Variants in ITGB5 observed in about 807,000 individuals in gnomAD.
ITGB5 encodes integrin subunit beta 5.
ITGB5 carries 38 observed loss-of-function variants against 84.8 expected under a neutral mutation model. The ratio of observed to expected loss-of-function variants is 0.45; its 90% CI spans 0.35 to 0.59. The LOEUF is 0.59. Ranked by LOEUF, ITGB5 falls within the 20% of genes least tolerant of loss-of-function variation. The pLI is 0.01. For synonymous variants in ITGB5, 393 were observed against 414.4 expected (o/e 0.95, Z 0.63); for missense variants, 905 against 1,034.5 (o/e 0.87, Z 1.72).
chr3:124,887,829 C>G (rs1048964974), upstream of ITGB5: 5 of 277,186 alleles, frequency 1.8e-5, no homozygotes, highest in African/African-American at 9.0e-5. Flanking sequence ...TAGACGCCCG[C>G]GCGTGGAACC....
At chr3:124,859,530 T>C (rs1374482133) in intron 2 of ITGB5, 84 bp from the exon 3 acceptor site, 1 of 1,018,786 alleles carries the variant, frequency 9.8e-7, no homozygotes, top group African/African-American at 1.6e-5. Context: ...CGTCTCCATC[T>C]GGTTGACCTT....
chr3:124,793,342 T>C (rs1034823554), intron 10 of ITGB5, among the ~76,000 whole-genome samples: 1 of 152,192 alleles, frequency 6.6e-6, no homozygotes, highest in Non-Finnish European at 1.5e-5. Flanking sequence ...TCTGTCACGT[T>C]TGCTAATATC....
At chr3:124,879,652 T>C (rs10804563) in intron 1 of ITGB5, among the ~76,000 whole-genome samples, 41,354 of 152,162 alleles carry the variant, frequency 0.27, 6,219 homozygotes, top group Middle Eastern at 0.41. Context: ...ATTCATATAA[T>C]GGAGTGCTAG....
intron 8 of ITGB5, among the ~76,000 whole-genome samples, chr3:124,814,580 G>A (rs1259588929): frequency 4.6e-5 from 7 of 151,564 alleles, no homozygotes; most frequent in African/African-American, 1.7e-4. Context: ...GGGCTCAGGC[G>A]ATCCTCCTGC....
intron 1 of ITGB5, among the ~76,000 whole-genome samples, chr3:124,875,917 C>T (rs983672310): frequency 5.3e-5 from 8 of 152,092 alleles, no homozygotes; most frequent in Non-Finnish European, 8.8e-5. Flanking sequence ...CATTATGTCA[C>T]TTATACGTGG....
In ITGB5 at chr3:124,763,722, C is replaced by T. The variant is rs2063726828; in HGVS notation, c.2305-4G>A. The T allele has an allele frequency of 5.8e-6, 9 of 1,560,176 alleles. No individual in the cohort carries two copies. The highest frequency in any genetic ancestry group is 2.2e-5 in the South Asian group (2 of 89,876). On this transcript the variant is annotated splice_polypyrimidine_tract_variant and splice_region_variant and intron_variant, in intron 14 of 14. Transcript: ENST00000296181. ...TTCTGTATAATGGATTTGAAGCCTA[C>T]AGAACACGGCGGGGAAGAGGATGAG...
upstream of ITGB5, among the ~76,000 whole-genome samples, chr3:124,890,129 C>T (rs553768594): frequency 1.2e-4 from 18 of 151,050 alleles, no homozygotes; most frequent in South Asian, 2.1e-4. Context: ...ATTAGATGGA[C>T]GGGGCGTGGA....
At chr3:124,820,002 AAGGAACTG>A (rs1311742895) in intron 6 of ITGB5, among the ~76,000 whole-genome samples, 168 bp from the exon 7 acceptor site, 1 of 152,116 alleles carries the variant, frequency 6.6e-6, no homozygotes, top group Non-Finnish European at 1.5e-5. Context: ...CTCCTGAACT[AAGGAACTG>A]AGTAGAGGAG....
chr3:124,782,678 T>G (rs907386627), intron 10 of ITGB5, among the ~76,000 whole-genome samples: 1 of 152,038 alleles, frequency 6.6e-6, no homozygotes, highest in African/African-American at 2.4e-5. Flanking sequence ...ACCAACATGG[T>G]GAAACCCTGT....
chr3:124,817,600 G>T, intron 8 of ITGB5, 21 bp downstream of exon 8: 1 of 1,341,886 alleles, frequency 7.5e-7, no homozygotes, highest in Non-Finnish European at 1.0e-6. Flanking sequence ...GTGGCAGTGG[G>T]GGAAGAAACT....
At position 124,842,938 on chromosome 3, in the gene ITGB5, C is replaced by A. The variant is rs75933298; in HGVS notation, c.612-1387G>T. On this transcript the variant is annotated intron_variant, in intron 4 of 14. Coordinates refer to ENST00000296181, the MANE Select transcript of ITGB5 (RefSeq NM_002213.5). ...CAACAGCACAGCACAGAGTCCCCAG[C>A]AACAGGCCCACCCTGCACAGAATCA... Among the ~76,000 whole-genome samples the A allele has an allele frequency of 1.3e-3, 200 of 152,274 alleles. 2 individuals carry two copies. The East Asian group carries it at 0.026, about 20-fold the overall frequency.
chr3:124,804,791 T>C (rs945858593), intron 9 of ITGB5, among the ~76,000 whole-genome samples: 1 of 151,916 alleles, frequency 6.6e-6, no homozygotes, highest in African/African-American at 2.4e-5. Context: ...CTCAGCCTCC[T>C]GAGTAGCTGG....
intron 1 of ITGB5, among the ~76,000 whole-genome samples, chr3:124,884,584 C>A (rs1271862139): frequency 6.6e-6 from 1 of 151,426 alleles, no homozygotes; most frequent in African/African-American, 2.4e-5. Flanking sequence ...CCTGTAATCC[C>A]AGTTACTCAG....
intron 14 of ITGB5, 137 bp from the exon 15 acceptor site, chr3:124,763,855 C>T (rs930463712): frequency 9.0e-5 from 54 of 597,004 alleles, no homozygotes; most frequent in African/African-American, 1.9e-4. Flanking sequence ...AGGAGACGGC[C>T]GTGGGCTCTA....
At chr3:124,808,167 C>T (rs2064440012) in intron 9 of ITGB5, among the ~76,000 whole-genome samples, 1 of 152,096 alleles carries the variant, frequency 6.6e-6, no homozygotes, top group Admixed American at 6.5e-5. Flanking sequence ...CCTTGGCCGT[C>T]ATGAGTGCTA....
intron 1 of ITGB5, among the ~76,000 whole-genome samples, chr3:124,883,583 G>A (rs1934675173): frequency 1.3e-5 from 2 of 152,230 alleles, no homozygotes; most frequent in Non-Finnish European, 2.9e-5. Context: ...CACAGGAAAT[G>A]TGGTAGGGGG....
At chr3:124,816,401 G>A (rs369766131) in intron 8 of ITGB5, among the ~76,000 whole-genome samples, 2 of 152,228 alleles carry the variant, frequency 1.3e-5, no homozygotes, top group African/African-American at 4.8e-5. Flanking sequence ...GTACTGATTC[G>A]TTAGGTTCCC....
At chr3:124,860,239 C>A (rs1415125620) in intron 2 of ITGB5, among the ~76,000 whole-genome samples, 1 of 151,762 alleles carries the variant, frequency 6.6e-6, no homozygotes, top group African/African-American at 2.4e-5. Context: ...ATCCTTAAAC[C>A]ATAAGAATAA....
intron 9 of ITGB5, among the ~76,000 whole-genome samples, chr3:124,803,535 G>A (rs2064348088): frequency 6.6e-6 from 1 of 152,196 alleles, no homozygotes; most frequent in Non-Finnish European, 1.5e-5. Flanking sequence ...CTCTGTAATG[G>A]GGAGGCAGTG....
Sources: gnomAD v4.1 joint callset for allele counts (sites outside exome capture counted in the v4.1 genomes callset) on GRCh38, gnomAD v4.1.1 for gene constraint, MANE v1.5 for transcripts, NCBI Gene and HGNC (gene_info 2026-07-23, HGNC 2026-07-21) for gene names.